NTMT1: variants seen among roughly 807,000 people sequenced by gnomAD.
NTMT1 encodes N-terminal Xaa-Pro-Lys N-methyltransferase 1.
Under a neutral mutation model 17.5 loss-of-function variants are expected in NTMT1, and 8 were observed. That is an observed-to-expected ratio of 0.46 (90% CI 0.27 to 0.82). The LOEUF (loss-of-function observed/expected upper bound fraction) is 0.82. Ranked by LOEUF, NTMT1 falls within the 40% of genes least tolerant of loss-of-function variation. The pLI, the probability that NTMT1 is intolerant of heterozygous loss-of-function variation, is 0.15. For missense variants in NTMT1, 221 were observed against 303.5 expected, an observed-to-expected ratio of 0.73 and a Z score of 2.02; for synonymous variants, 128 against 126.8, an observed-to-expected ratio of 1.01 and a Z score of -0.06.
In NTMT1 at chr9:129,620,054, C is replaced by T; in HGVS notation, c.-55+10876C>T. On this transcript the variant is annotated intron_variant, in intron 1 of 3. Coordinates refer to the NTMT1 transcript ENST00000372486. This position sits in a 1 kb window ranked among gnomAD's most constrained non-coding sequence, Gnocchi z 5.8. ...TGACTCGGGCCCGCCCCCCGGGCCC[C>T]GCGGGGCCTCACTCAGTGGCTCCGG... The T allele has an allele frequency of 6.9e-7, 1 of 1,454,098 alleles. No homozygotes were observed. The highest frequency in any genetic ancestry group is 1.5e-5 in the South Asian group (1 of 68,346). 90.1% of individuals were successfully genotyped at this position (1,454,098 alleles called of 1,614,324 possible).
chr9:129,630,358 A>G (rs185183104), intron 1 of NTMT1, among the ~76,000 whole-genome samples: 3 of 152,272 alleles, frequency 2.0e-5, no homozygotes, highest in Admixed American at 2.0e-4. Flanking sequence ...CTGCAGTCCC[A>G]GCTACCCTGG....
At chr9:129,618,905 G>A (rs1273883833) in intron 1 of NTMT1, among the ~76,000 whole-genome samples, 1 of 149,624 alleles carries the variant, frequency 6.7e-6, no homozygotes, top group Non-Finnish European at 1.5e-5. Context: ...TAGTAGAGAC[G>A]GGGTTTCACC....
upstream of NTMT1, among the ~76,000 whole-genome samples, chr9:129,621,338 T>C (rs1830698926): frequency 6.6e-6 from 1 of 152,084 alleles, no homozygotes; most frequent in African/African-American, 2.4e-5. Flanking sequence ...AGACAGTTTG[T>C]TGTTCTTGTT....
rs1830181381 is a variant in NTMT1, at chr9:129,613,374, C to G, written c.-55+4196C>G. On this transcript the variant is annotated intron_variant, in intron 1 of 3. Transcript: ENST00000372486. This position sits in a 1 kb window ranked among gnomAD's most constrained non-coding sequence, Gnocchi z 6.2. ...GCTGCTGGGTGGGGAGGTCTGTAGGCAAGGGGGGTGGAGGGCCCTGGCAAT... is the reference window on the plus strand; with the variant it reads ...GCTGCTGGGTGGGGAGGTCTGTAGGGAAGGGGGGTGGAGGGCCCTGGCAAT... 29 of 1,594,168 alleles carry G rather than the reference C, an allele frequency of 1.8e-5. No individual in the cohort carries two copies. Among genetic ancestry groups the G allele is most frequent in the Middle Eastern group, 3.4e-4 (2 of 5,910 alleles).
chr9:129,623,681 C>T (rs548611665), upstream of NTMT1, among the ~76,000 whole-genome samples: 1 of 152,212 alleles, frequency 6.6e-6, no homozygotes, highest in East Asian at 1.9e-4. Flanking sequence ...TGCTTCTCAC[C>T]AGGGATGGAG....
At chr9:129,619,202 G>A (rs1250048375) in intron 1 of NTMT1, among the ~76,000 whole-genome samples, 1 of 152,208 alleles carries the variant, frequency 6.6e-6, no homozygotes, top group Non-Finnish European at 1.5e-5. Flanking sequence ...TGAACGGGTT[G>A]TAGAAGACTT....
chr9:129,635,129 G>A (rs895314109), intron 3 of NTMT1, 79 bp from the exon 4 acceptor site: 24 of 1,503,736 alleles, frequency 1.6e-5, no homozygotes, highest in African/African-American at 2.7e-5. Flanking sequence ...GGGGCTCAGC[G>A]GGGCTGAGAA....
intron 1 of NTMT1, chr9:129,615,425 C>T (rs200304993): frequency 6.7e-7 from 1 of 1,490,214 alleles, no homozygotes; most frequent in Non-Finnish European, 8.9e-7. Context: ...GCTACAGCCT[C>T]TCTGCCCTCC....
chr9:129,611,869 C>T (rs1830121321), intron 1 of NTMT1, among the ~76,000 whole-genome samples: 1 of 152,082 alleles, frequency 6.6e-6, no homozygotes, highest in Non-Finnish European at 1.5e-5. Flanking sequence ...CTGCCCGCCT[C>T]AGCCTCCCAA....
At chr9:129,627,021 C>T (rs1830933463) in intron 1 of NTMT1, among the ~76,000 whole-genome samples, 1 of 152,294 alleles carries the variant, frequency 6.6e-6, no homozygotes. Context: ...ATGGGATGAG[C>T]CTCTGGGAGG....
chr9:129,621,872 T>G (rs1160499165), upstream of NTMT1, among the ~76,000 whole-genome samples: 1 of 152,154 alleles, frequency 6.6e-6, no homozygotes, highest in Non-Finnish European at 1.5e-5. Flanking sequence ...CCTGTGAGTT[T>G]AGAGCTCTCT....
At chr9:129,612,390 T>C (rs1830135786) in intron 1 of NTMT1, 2 of 1,613,232 alleles carry the variant, frequency 1.2e-6, no homozygotes, top group South Asian at 1.1e-5. Flanking sequence ...CAGGAGGAGA[T>C]GGTACCCCTT....
intron 1 of NTMT1, chr9:129,612,174 C>T: frequency 1.7e-6 from 1 of 604,538 alleles, no homozygotes; most frequent in Non-Finnish European, 3.0e-6. Flanking sequence ...TGTCTCCATC[C>T]CCTTCCTTCC....
upstream of NTMT1, among the ~76,000 whole-genome samples, chr9:129,623,428 T>TG (rs1830799711): frequency 6.6e-6 from 1 of 152,310 alleles, no homozygotes; most frequent in African/African-American, 2.4e-5. Context: ...TGTGTGATCC[T>TG]GGAGAAGTGT....
At chr9:129,610,226 GGGGGAGGGAGAGGGGAAA>G (rs1830080456) in intron 1 of NTMT1, among the ~76,000 whole-genome samples, 1 of 49,522 alleles carries the variant, frequency 2.0e-5, no homozygotes, top group Non-Finnish European at 3.5e-5. Context: ...GGAGGGGAAA[GGGGGAGGGAGAGGGGAAA>G]GGGGGGAAGG....
rs2118891469 is a variant in NTMT1, at chr9:129,620,215, C to A, written c.-55+11037C>A. 2.2e-6 allele frequency: 3 copies of A among 1,374,624 alleles called. No individual in the cohort carries two copies. The highest frequency in any genetic ancestry group is 3.6e-5 in the South Asian group (2 of 56,218). The allele number at this position is 1,374,624 out of a possible 1,614,324, so 85.2% of individuals were successfully genotyped here. On this transcript the variant is annotated intron_variant, in intron 1 of 3. Transcript: ENST00000372486. The surrounding 1 kb of genome is among the most constrained non-coding windows in gnomAD (Gnocchi z 5.8). ...TCCGGGGGCGCTCGCGCTCTCCAGGCCCTGGCTGCCTGGGCGCCGATTCCC... is the reference window on the plus strand; with the variant it reads ...TCCGGGGGCGCTCGCGCTCTCCAGGACCTGGCTGCCTGGGCGCCGATTCCC...
At chr9:129,630,958 T>C (rs1437514244) in intron 1 of NTMT1, among the ~76,000 whole-genome samples, 1 of 152,218 alleles carries the variant, frequency 6.6e-6, no homozygotes, top group Non-Finnish European at 1.5e-5. Context: ...GGGAAACACA[T>C]CAGCCGAGAG....
In NTMT1 at chr9:129,614,541, C is replaced by A. The variant is rs1830256744; in HGVS notation, c.-55+5363C>A. Among the ~76,000 whole-genome samples the A allele has an allele frequency of 6.6e-6, 1 of 152,168 alleles. No homozygotes were observed. Among genetic ancestry groups the A allele is most frequent in the Non-Finnish European group, 1.5e-5 (1 of 68,034 alleles). Reference sequence around the variant, plus strand: ...GCTGGGCACACAGAAAAAGGTGGAGCTTAGTCAAGGTTATACCAGAGTAAG... The same window carrying A: ...GCTGGGCACACAGAAAAAGGTGGAGATTAGTCAAGGTTATACCAGAGTAAG... On this transcript the variant is annotated intron_variant, in intron 1 of 3. Transcript: ENST00000372486. This position sits in a 1 kb window ranked among gnomAD's most constrained non-coding sequence, Gnocchi z 4.4.
At chr9:129,610,799 G>T (rs1480937989) in intron 1 of NTMT1, among the ~76,000 whole-genome samples, 4 of 152,178 alleles carry the variant, frequency 2.6e-5, no homozygotes, top group Non-Finnish European at 4.4e-5. Flanking sequence ...AGAGGGCGAC[G>T]TGGGCTGCGC....
Sources: allele counts gnomAD v4.1 joint callset (sites outside exome capture counted in the v4.1 genomes callset), GRCh38; gene constraint gnomAD v4.1.1; non-coding constraint Gnocchi (gnomAD v3.1); transcripts MANE v1.5; gene names NCBI Gene and HGNC (gene_info 2026-07-23, HGNC 2026-07-21).